MALRD1: variants seen among roughly 807,000 people sequenced by gnomAD.
MALRD1 encodes MAM and LDL receptor class A domain containing 1, also known as MAM and LDL-receptor class A domain-containing protein 1.
In MALRD1, 247 loss-of-function variants were observed where a neutral mutation model predicts 242.1. The ratio of observed to expected loss-of-function variants is 1.02; its 90% CI spans 0.92 to 1.13. MALRD1 has a LOEUF of 1.13. Ranked by LOEUF, MALRD1 falls within the 50% of genes most tolerant of loss-of-function variation. The pLI is 0.00. For missense variants in MALRD1, 2,989 were observed against 2,533.1 expected, an observed-to-expected ratio of 1.18 and a Z score of -3.86; for synonymous variants, 995 against 866.6, an observed-to-expected ratio of 1.15 and a Z score of -2.60.
At chr10:19,365,368 C>T (rs1171999737) in intron 26 of MALRD1, among the ~76,000 whole-genome samples, 1 of 151,988 alleles carries the variant, frequency 6.6e-6, no homozygotes, top group Non-Finnish European at 1.5e-5. Context: ...AATAGTTGAA[C>T]TGGACATACT....
intron 32 of MALRD1, among the ~76,000 whole-genome samples, chr10:19,565,462 A>G (rs944983603): frequency 2.0e-5 from 3 of 152,202 alleles, no homozygotes; most frequent in Non-Finnish European, 2.9e-5. Flanking sequence ...AATAAATATA[A>G]TAAAGCCATT....
intron 1 of MALRD1, among the ~76,000 whole-genome samples, chr10:19,051,256 A>G (rs1216107262): frequency 6.6e-6 from 1 of 152,012 alleles, no homozygotes; most frequent in Non-Finnish European, 1.5e-5. Flanking sequence ...AGATTTTTTT[A>G]AAACTAGCTT....
At chr10:19,237,713 T>C (rs1469588056) in intron 18 of MALRD1, among the ~76,000 whole-genome samples, 2 of 114,472 alleles carry the variant, frequency 1.7e-5, no homozygotes, top group South Asian at 2.4e-4. Context: ...TATATATATA[T>C]TTATATATAA....
intron 36 of MALRD1, among the ~76,000 whole-genome samples, chr10:19,673,865 TA>T (rs1457496709): frequency 1.3e-5 from 2 of 151,708 alleles, no homozygotes; most frequent in Non-Finnish European, 1.5e-5. Context: ...TAAGTACTTT[TA>T]TTATACTTAC....
chr10:19,342,717 A>G (rs1843939854), intron 24 of MALRD1, among the ~76,000 whole-genome samples: 1 of 152,138 alleles, frequency 6.6e-6, no homozygotes, highest in African/African-American at 2.4e-5. Context: ...TAGGTCAGGT[A>G]TCATGATGTT....
chr10:19,067,779 T>C (rs537977568), intron 2 of MALRD1, among the ~76,000 whole-genome samples: 14 of 152,178 alleles, frequency 9.2e-5, no homozygotes, highest in Admixed American at 5.2e-4. Context: ...AAATGAAAAA[T>C]TGTTGATGGA....
intron 32 of MALRD1, among the ~76,000 whole-genome samples, chr10:19,547,477 A>G (rs1835257590): frequency 6.6e-6 from 1 of 152,102 alleles, no homozygotes; most frequent in South Asian, 2.1e-4. Context: ...CTTTAAAAAA[A>G]AATCTGAAAA....
At chr10:19,344,680 A>G (rs906826650) in intron 24 of MALRD1, among the ~76,000 whole-genome samples, 1 of 149,652 alleles carries the variant, frequency 6.7e-6, no homozygotes, top group Non-Finnish European at 1.5e-5. Context: ...TCTACAAGTT[A>G]TGGAACTTTG....
chr10:19,447,042 A>G (rs1835024232), intron 28 of MALRD1, among the ~76,000 whole-genome samples: 1 of 7,446 alleles, frequency 1.3e-4, no homozygotes, highest in Non-Finnish European at 2.6e-4. Flanking sequence ...TCTGTTAGGA[A>G]CACACACACA....
chr10:19,365,103 A>G (rs1344305257), intron 26 of MALRD1, among the ~76,000 whole-genome samples: 2 of 152,144 alleles, frequency 1.3e-5, no homozygotes, highest in East Asian at 1.9e-4. Flanking sequence ...CAAACCATAA[A>G]AATGAAAACA....
chr10:19,112,863 T>G (rs1175112569), intron 5 of MALRD1, among the ~76,000 whole-genome samples: 1 of 152,224 alleles, frequency 6.6e-6, no homozygotes, highest in African/African-American at 2.4e-5. Context: ...TTTCAAAATC[T>G]GTTCCCTCTC....
intron 36 of MALRD1, among the ~76,000 whole-genome samples, chr10:19,672,274 C>T (rs116379103): frequency 5.3e-5 from 8 of 151,792 alleles, no homozygotes; most frequent in African/African-American, 1.7e-4. Flanking sequence ...ATCTCTCTCT[C>T]TATATATATA....
intron 28 of MALRD1, among the ~76,000 whole-genome samples, chr10:19,428,372 A>G (rs1833981927): frequency 6.6e-6 from 1 of 152,040 alleles, no homozygotes; most frequent in African/African-American, 2.4e-5. Context: ...AATTGTTCTG[A>G]TCTGATTCTG....
In MALRD1 at chr10:19,470,299, A is replaced by G. The variant is rs537445203; in HGVS notation, c.5029+19809A>G. 2.6e-5 allele frequency among the ~76,000 whole-genome samples: 4 copies of G among 152,112 alleles called. No individual in the cohort carries two copies. In the East Asian group the frequency reaches 7.7e-4, roughly 29 times the overall value. On this transcript the variant is annotated intron_variant, in intron 29 of 39. Transcript: ENST00000454679. ...TCCCTTCATTTTTCAAGGTTGAATAATATTCCATTGCGTGTGTATACCACA... is the reference window on the plus strand; with the variant it reads ...TCCCTTCATTTTTCAAGGTTGAATAGTATTCCATTGCGTGTGTATACCACA...
intron 14 of MALRD1, among the ~76,000 whole-genome samples, chr10:19,182,324 A>ATTTTTTTTTTTTTTT (rs34790120): frequency 1.2e-5 from 1 of 81,960 alleles, no homozygotes. Context: ...CAAAACCTAC[A>ATTTTTTTTTTTTTTT]TTTTTTTTTT....
intron 28 of MALRD1, among the ~76,000 whole-genome samples, chr10:19,396,618 C>G (rs1471948180): frequency 6.6e-6 from 1 of 152,178 alleles, no homozygotes; most frequent in Non-Finnish European, 1.5e-5. Context: ...TATATTCATA[C>G]TCTTAACCAC....
At chr10:19,271,381 T>TC (rs1468697382) in intron 19 of MALRD1, among the ~76,000 whole-genome samples, 1 of 152,178 alleles carries the variant, frequency 6.6e-6, no homozygotes, top group East Asian at 1.9e-4. Context: ...AGAGAAAGCT[T>TC]CCATTCATCT....
intron 14 of MALRD1, among the ~76,000 whole-genome samples, chr10:19,181,959 C>T (rs1835524973): frequency 6.6e-6 from 1 of 152,022 alleles, no homozygotes; most frequent in Non-Finnish European, 1.5e-5. Context: ...AAACAAGTAG[C>T]TATTTTAACT....
At chr10:19,693,987 A>G (rs1362251123) in intron 38 of MALRD1, among the ~76,000 whole-genome samples, 5 of 152,138 alleles carry the variant, frequency 3.3e-5, no homozygotes, top group African/African-American at 7.2e-5. Flanking sequence ...AGGATTCCCT[A>G]TTTAATAAAT....
Sources: allele counts gnomAD v4.1 joint callset (sites outside exome capture counted in the v4.1 genomes callset), GRCh38; gene constraint gnomAD v4.1.1; transcripts MANE v1.5; gene names NCBI Gene and HGNC (gene_info 2026-07-23, HGNC 2026-07-21).